The following NAV2 variants were observed in gnomAD, a reference collection of about 807,000 sequenced individuals.
NAV2 encodes the protein neuron navigator 2.
In NAV2, 54 loss-of-function variants were observed where a neutral mutation model predicts 223.2. That is an observed-to-expected ratio of 0.24 (90% CI 0.19 to 0.30). The LOEUF is 0.30. NAV2 is among the 10% of genes least tolerant of loss of function. NAV2 has a pLI of 1.00. For missense variants in NAV2, 2,806 were observed against 3,147.5 expected, an observed-to-expected ratio of 0.89 and a Z score of 2.60; for synonymous variants, 1,279 against 1,239.3, an observed-to-expected ratio of 1.03 and a Z score of -0.67.
At chr11:19,634,015 T>A (rs182988268) in intron 1 of NAV2, among the ~76,000 whole-genome samples, 1 of 152,364 alleles carries the variant, frequency 6.6e-6, no homozygotes, top group East Asian at 1.9e-4. Flanking sequence ...CATAAAGGTA[T>A]GTTCCTTCCT....
intron 1 of NAV2, chr11:19,502,605 G>A (rs898231756): frequency 6.6e-6 from 1 of 152,164 alleles, no homozygotes; most frequent in Non-Finnish European, 1.5e-5. Flanking sequence ...TTTCCCATTT[G>A]TTGGATGGGG....
chr11:19,714,089 C>T (rs2152318069), intron 1 of NAV2, 127 bp downstream of exon 1: 3 of 1,354,958 alleles, frequency 2.2e-6, no homozygotes, highest in East Asian at 5.0e-5. Flanking sequence ...GAACCATTCC[C>T]CTTAGGCCGG....
At chr11:19,600,107 G>A (rs950770435) in intron 1 of NAV2, among the ~76,000 whole-genome samples, 51 of 152,330 alleles carry the variant, frequency 3.3e-4, no homozygotes, top group Middle Eastern at 3.4e-3. Context: ...ACTATAATGG[G>A]CAGCTGGGCT....
chr11:19,933,502 C>T lies in NAV2; in HGVS notation c.1258C>T (p.Pro420Ser), dbSNP rs866334401. The T allele has an allele frequency of 3.7e-6, 6 of 1,610,568 alleles. No individual in the cohort carries two copies. The highest frequency in any genetic ancestry group is 5.1e-6 in the Non-Finnish European group (6 of 1,178,648). The part of the protein sequence containing the change: ...SKGGSKAGEG[P>S]GSRDTSCERL... The stretch of plus-strand genomic sequence containing the variant: ...AGGGGGCTCAAAGGCAGGTGAGGGG[C>T]CGGGGTCCCGGGACACAAGCTGTGA... The change falls in exon 7 of 38, where the codon CCG becomes TCG. Residue 420 changes from proline (P) to serine (S), a missense_variant. Physicochemically the swap from Pro to Ser is moderately conservative, Grantham distance 74. Around this residue, in one of 4 missense-constraint regions of NAV2, gnomAD observed 1,167 missense variants for 1,180.5 expected, o/e 0.99. Transcript: ENST00000349880. This position sits in a 1 kb window ranked among gnomAD's most constrained non-coding sequence, Gnocchi z 4.3.
intron 1 of NAV2, among the ~76,000 whole-genome samples, chr11:19,719,490 A>C (rs964268309): frequency 2.6e-5 from 4 of 152,318 alleles, no homozygotes; most frequent in African/African-American, 9.6e-5. Context: ...GGTGATGCTT[A>C]TAGGTTGGGG....
At chr11:19,649,908 A>T (rs2047920764) in intron 1 of NAV2, among the ~76,000 whole-genome samples, 1 of 152,220 alleles carries the variant, frequency 6.6e-6, no homozygotes, top group African/African-American at 2.4e-5. Context: ...CTCCCATTTG[A>T]ATGCCAAAAC....
chr11:19,856,921 G>C (rs1388244654), intron 3 of NAV2, among the ~76,000 whole-genome samples: 2 of 152,212 alleles, frequency 1.3e-5, no homozygotes, highest in Non-Finnish European at 2.9e-5. Flanking sequence ...TGGATTGACT[G>C]TTCGTGAACA....
chr11:19,453,928 G>A (rs1268350584), intron 1 of NAV2, among the ~76,000 whole-genome samples: 1 of 152,120 alleles, frequency 6.6e-6, no homozygotes, highest in African/African-American at 2.4e-5. Flanking sequence ...AGGCCATTAC[G>A]ATCATTTTTC....
Position 19,577,302 on chromosome 11 carries a change from G to A in NAV2, c.75+226275G>A, listed in dbSNP as rs533142957. On this transcript the variant is annotated intron_variant, in intron 1 of 37. Coordinates refer to the NAV2 transcript ENST00000360655. ...AGCGTTCTATTTGCTTCCTTCATGGGGCTGCTTTTCAGATACCTGTCCTCA... is the reference window on the plus strand; with the variant it reads ...AGCGTTCTATTTGCTTCCTTCATGGAGCTGCTTTTCAGATACCTGTCCTCA... 7.2e-5 allele frequency among the ~76,000 whole-genome samples: 11 copies of A among 152,328 alleles called. No homozygotes were observed. In the South Asian group the frequency reaches 2.3e-3, roughly 32 times the overall value.
intron 2 of NAV2, among the ~76,000 whole-genome samples, chr11:19,841,817 G>T (rs555090640): frequency 2.6e-5 from 4 of 152,120 alleles, no homozygotes; most frequent in Non-Finnish European, 4.4e-5. Flanking sequence ...TATACAATAC[G>T]TATTATTGGG....
At chr11:19,836,324 G>A (rs1025714324) in intron 2 of NAV2, among the ~76,000 whole-genome samples, 2 of 151,942 alleles carry the variant, frequency 1.3e-5, no homozygotes, top group African/African-American at 2.4e-5. Flanking sequence ...TTGGGAGGCC[G>A]AGGCGGGTGG....
At chr11:19,670,709 C>T (rs1035974490) in intron 1 of NAV2, among the ~76,000 whole-genome samples, 5 of 152,306 alleles carry the variant, frequency 3.3e-5, no homozygotes, top group South Asian at 2.1e-4. Context: ...GGCTTTGAAG[C>T]GGCAGCTGGG....
intron 1 of NAV2, among the ~76,000 whole-genome samples, chr11:19,703,825 G>C (rs148277379): frequency 2.6e-5 from 4 of 152,190 alleles, no homozygotes; most frequent in South Asian, 2.1e-4. Flanking sequence ...ACATTCTACT[G>C]CCTGTGCCCA....
chr11:20,000,034 T>C (rs1223256740), intron 11 of NAV2, among the ~76,000 whole-genome samples: 1 of 152,182 alleles, frequency 6.6e-6, no homozygotes, highest in Non-Finnish European at 1.5e-5. Context: ...CCCTTCTCTT[T>C]GTGATCTGCT....
chr11:19,561,652 G>A (rs1458605717), intron 1 of NAV2, among the ~76,000 whole-genome samples: 1 of 152,130 alleles, frequency 6.6e-6, no homozygotes, highest in African/African-American at 2.4e-5. Context: ...AAGTTAAATT[G>A]CCACGGATCC....
chr11:19,439,487 T>G (rs971445311), intron 1 of NAV2, among the ~76,000 whole-genome samples: 1 of 152,168 alleles, frequency 6.6e-6, no homozygotes, highest in African/African-American at 2.4e-5. Context: ...GTCATTCATT[T>G]TACTTATGTA....
chr11:19,821,069 T>C (rs902061451), intron 1 of NAV2, among the ~76,000 whole-genome samples: 15 of 152,290 alleles, frequency 9.8e-5, no homozygotes, highest in South Asian at 6.2e-4. Context: ...GAGACCATCC[T>C]GGCTAACACG....
At position 19,576,250 on chromosome 11, in the gene NAV2, G is replaced by A. The variant is rs139765311; in HGVS notation, c.75+225223G>A. The stretch of plus-strand genomic sequence containing the variant: ...TGGCCAGAGACTGGGCAGCCTTGCC[G>A]CATTCTGATGCAAAAACCTGTTTTC... On this transcript the variant is annotated intron_variant, in intron 1 of 37. Transcript: ENST00000360655. 4.7e-4 allele frequency among the ~76,000 whole-genome samples: 72 copies of A among 152,268 alleles called. No individual in the cohort carries two copies. The East Asian group carries it at 0.012, about 25-fold the overall frequency.
intron 1 of NAV2, among the ~76,000 whole-genome samples, chr11:19,451,347 T>C (rs959775769): frequency 2.0e-5 from 3 of 152,186 alleles, no homozygotes; most frequent in Non-Finnish European, 2.9e-5. Flanking sequence ...ACAGAGTTCG[T>C]CACATCACAG....
Sources: gnomAD v4.1 joint callset for allele counts (sites outside exome capture counted in the v4.1 genomes callset) on GRCh38, gnomAD v4.1.1 for gene constraint, gnomAD v4.1.1 regional missense constraint, Gnocchi (gnomAD v3.1) non-coding constraint, MANE v1.5 for transcripts, NCBI Gene and HGNC (gene_info 2026-07-23, HGNC 2026-07-21) for gene names.